The following PATJ variants were observed in gnomAD, a reference collection of about 807,000 sequenced individuals.
PATJ encodes inaD-like protein.
In PATJ, 190 loss-of-function variants were observed where a neutral mutation model predicts 224.9. The ratio of observed to expected loss-of-function variants is 0.84; its 90% confidence interval spans 0.75 to 0.95. The LOEUF is 0.95. PATJ is among the 40% of genes least tolerant of loss of function. PATJ has a pLI of 0.00. For missense variants in PATJ, 2,121 were observed against 2,270.3 expected (o/e 0.93, Z 1.34); for synonymous variants, 769 against 820.3 (o/e 0.94, Z 1.07).
chr1:61,808,420 G>C, intron 13 of PATJ, 54 bp from the exon 14 acceptor site: 1 of 1,022,010 alleles, frequency 9.8e-7, no homozygotes, highest in Non-Finnish European at 1.5e-6. Flanking sequence ...GAAAATGTAG[G>C]AGGAAATACA....
rs530050409 is a variant in PATJ at position 61,958,165 on chromosome 1, T to C, written c.3670+30336T>C. On this transcript the variant is annotated intron_variant, in intron 27 of 43. Transcript: ENST00000642238. ...CTTTATTGTGGTATACTCTGTGATT[T>C]ACATGTTTATTGTGTTTACATGTTT... Among the ~76,000 whole-genome samples, 14 of 152,318 alleles carry C rather than the reference T, an allele frequency of 9.2e-5. No homozygotes were observed. In the South Asian group the frequency reaches 2.9e-3, roughly 32 times the overall value.
At chr1:61,999,723 A>G (rs1645631866) in intron 28 of PATJ, among the ~76,000 whole-genome samples, 1 of 152,044 alleles carries the variant, frequency 6.6e-6, no homozygotes, top group African/African-American at 2.4e-5. Flanking sequence ...CACTCCTTCC[A>G]CCCCAAAAGC....
intron 30 of PATJ, among the ~76,000 whole-genome samples, chr1:62,049,767 G>T (rs902850656): frequency 6.6e-6 from 1 of 152,096 alleles, no homozygotes; most frequent in African/African-American, 2.4e-5. Flanking sequence ...AAAAAGTCAC[G>T]AAAGAAAACA....
intron 41 of PATJ, among the ~76,000 whole-genome samples, chr1:62,147,127 G>A (rs774086260): frequency 1.6e-4 from 24 of 152,156 alleles, no homozygotes; most frequent in Non-Finnish European, 2.8e-4. Context: ...CAGATTCAGG[G>A]ATTATCATCA....
intron 30 of PATJ, among the ~76,000 whole-genome samples, chr1:62,040,457 G>A (rs1651272334): frequency 2.0e-5 from 3 of 151,946 alleles, no homozygotes; most frequent in African/African-American, 7.3e-5. Context: ...GAGGAGAGAA[G>A]AGAGAAAAAA....
chr1:61,801,752 A>G lies in PATJ; in HGVS notation c.1532A>G (p.Gln511Arg). The part of the protein sequence containing the change: ...RIDTLKNDNI[Q>R]ALEKLEKVPD... The stretch of plus-strand genomic sequence containing the variant: ...GATACTTTAAAAAATGACAACATAC[A>G]AGCCTTAGAAAAATTGGGTAGGCAC... Residue 511 changes from glutamine to arginine, a missense_variant, in exon 12 of 44, where the codon CAA (glutamine) becomes CGA (arginine). Gln to Arg is a conservative substitution (Grantham distance 43, BLOSUM62 1). Coordinates refer to ENST00000642238, the MANE Select transcript of PATJ (RefSeq NM_001350145.3). The G allele has an allele frequency of 1.3e-6, 2 of 1,586,100 alleles. No homozygotes were observed. Among genetic ancestry groups the G allele is most frequent in the South Asian group, 2.3e-5 (2 of 86,272 alleles).
intron 33 of PATJ, among the ~76,000 whole-genome samples, chr1:62,104,061 T>A (rs534250304): frequency 6.7e-6 from 1 of 150,244 alleles, no homozygotes; most frequent in East Asian, 2.0e-4. Flanking sequence ...GTTTTAGAAA[T>A]CACTGGTATT....
intron 27 of PATJ, among the ~76,000 whole-genome samples, chr1:61,940,358 C>T (rs537920798): frequency 6.6e-6 from 1 of 152,254 alleles, no homozygotes; most frequent in South Asian, 2.1e-4. Flanking sequence ...GTGCTAGCTA[C>T]TGCTTTTTAT....
At chr1:61,844,332 A>G (rs1661584563) in intron 17 of PATJ, among the ~76,000 whole-genome samples, 1 of 152,164 alleles carries the variant, frequency 6.6e-6, no homozygotes, top group East Asian at 1.9e-4. Flanking sequence ...ATTGCTTAAT[A>G]TTTTCCTTAA....
intron 29 of PATJ, among the ~76,000 whole-genome samples, chr1:62,029,226 A>G (rs1648703423): frequency 6.6e-6 from 1 of 152,214 alleles, no homozygotes; most frequent in Admixed American, 6.5e-5. Context: ...TCTTGCTTTT[A>G]GAAGAGGCAG....
chr1:61,997,984 A>T (rs6666400), intron 28 of PATJ, among the ~76,000 whole-genome samples: 884 of 72,406 alleles, frequency 0.012, 32 homozygotes, highest in African/African-American at 0.046. Flanking sequence ...TGCCCAGCTT[A>T]TATATGTATA....
chr1:61,897,791 G>A (rs374471932), intron 22 of PATJ, among the ~76,000 whole-genome samples: 2 of 117,816 alleles, frequency 1.7e-5, no homozygotes, highest in East Asian at 5.1e-4. Flanking sequence ...GAGGGGTTAT[G>A]TATTTATGGA....
intron 25 of PATJ, 41 bp downstream of exon 25, chr1:61,908,523 C>G (rs761605891): frequency 1.2e-5 from 15 of 1,228,454 alleles, no homozygotes; most frequent in Admixed American, 1.2e-4. Context: ...TAACAACACT[C>G]TGTATACCTG....
intron 23 of PATJ, among the ~76,000 whole-genome samples, 185 bp downstream of exon 23, chr1:61,899,839 C>T (rs1670877933): frequency 6.6e-6 from 1 of 152,176 alleles, no homozygotes; most frequent in African/African-American, 2.4e-5. Context: ...AACAAAATGA[C>T]TGTAACTAAT....
At chr1:61,747,417 C>T (rs1645079467) in intron 1 of PATJ, among the ~76,000 whole-genome samples, 1 of 152,134 alleles carries the variant, frequency 6.6e-6, no homozygotes. Flanking sequence ...CCATATAACG[C>T]TTGACAAGTC....
chr1:62,011,434 G>A (rs1646443354), intron 28 of PATJ, among the ~76,000 whole-genome samples: 1 of 152,172 alleles, frequency 6.6e-6, no homozygotes, highest in African/African-American at 2.4e-5. Flanking sequence ...AAAAGAGATG[G>A]GGAGCAGCTG....
chr1:62,057,794 A>G (rs536193116), intron 31 of PATJ, among the ~76,000 whole-genome samples: 7 of 152,340 alleles, frequency 4.6e-5, no homozygotes, highest in African/African-American at 1.2e-4. Flanking sequence ...GGCAAATGCC[A>G]TAGCATCCAG....
At chr1:61,886,396 G>C (rs1229832019) in intron 22 of PATJ, among the ~76,000 whole-genome samples, 3 of 152,290 alleles carry the variant, frequency 2.0e-5, no homozygotes, top group East Asian at 3.9e-4. Flanking sequence ...TTTTCCCGGG[G>C]CTTGGCCACA....
At chr1:61,854,078 T>C (rs1663260489) in intron 17 of PATJ, among the ~76,000 whole-genome samples, 1 of 152,220 alleles carries the variant, frequency 6.6e-6, no homozygotes, top group Non-Finnish European at 1.5e-5. Flanking sequence ...TGAACCCTGA[T>C]GTTTGAAACA....
Sources: gnomAD v4.1 joint callset for allele counts (sites outside exome capture counted in the v4.1 genomes callset) on GRCh38, gnomAD v4.1.1 for gene constraint, MANE v1.5 for transcripts, NCBI Gene and HGNC (gene_info 2026-07-23, HGNC 2026-07-21) for gene names.